Variants in RAPGEF6 observed in about 807,000 individuals in gnomAD.
RAPGEF6 encodes the protein PDZ domain containing guanine nucleotide exchange factor (GEF) 2.
Under a neutral mutation model 171.4 loss-of-function variants are expected in RAPGEF6, and 56 were observed. That is an observed-to-expected ratio of 0.33 (90% CI 0.26 to 0.41). The LOEUF (loss-of-function observed/expected upper bound fraction) is 0.41, where lower values mean the gene tolerates loss of function less well. Among genes scored for constraint, RAPGEF6 ranks in the 10% least tolerant of loss-of-function variants. RAPGEF6 has a pLI of 1.00. For synonymous variants in RAPGEF6, 692 were observed against 650.1 expected, an observed-to-expected ratio of 1.06 and a Z score of -0.98; for missense variants, 1,674 against 1,921.4, an observed-to-expected ratio of 0.87 and a Z score of 2.41.
intron 20 of RAPGEF6, among the ~76,000 whole-genome samples, chr5:131,453,540 A>G (rs1753254196): frequency 6.6e-6 from 1 of 152,176 alleles, no homozygotes. Flanking sequence ...GCAATGAGCC[A>G]TGACTGTGCC....
intron 4 of RAPGEF6, among the ~76,000 whole-genome samples, chr5:131,573,352 T>C (rs540758035): frequency 2.0e-5 from 3 of 152,212 alleles, no homozygotes; most frequent in African/African-American, 7.2e-5. Flanking sequence ...CTTTTCTCTA[T>C]CAGACCTTTC....
chr5:131,575,761 T>C (rs1308177904), intron 4 of RAPGEF6, among the ~76,000 whole-genome samples: 3 of 152,144 alleles, frequency 2.0e-5, no homozygotes, highest in African/African-American at 7.2e-5. Context: ...TCTTCTTACA[T>C]ATGGCTGAAA....
At chr5:131,441,212 C>A (rs1049063428) in intron 23 of RAPGEF6, among the ~76,000 whole-genome samples, 1 of 152,196 alleles carries the variant, frequency 6.6e-6, no homozygotes, top group African/African-American at 2.4e-5. Context: ...CCTTTAGCCT[C>A]TATGCTTCCT....
At chr5:131,534,606 G>GT (rs66792688) in intron 6 of RAPGEF6, among the ~76,000 whole-genome samples, 46,044 of 144,712 alleles carry the variant, frequency 0.32, 8,516 homozygotes, top group East Asian at 0.62. Context: ...GCACCAATGT[G>GT]TTTTTTTTTT....
intron 6 of RAPGEF6, among the ~76,000 whole-genome samples, chr5:131,529,970 C>T (rs183778626): frequency 2.1e-5 from 3 of 142,186 alleles, no homozygotes; most frequent in African/African-American, 5.3e-5. Context: ...TGTAGTGTCA[C>T]GATTTCAGCT....
intron 19 of RAPGEF6, among the ~76,000 whole-genome samples, chr5:131,457,840 CA>C (rs144714307): frequency 0.02 from 3,021 of 151,972 alleles, 104 homozygotes; most frequent in African/African-American, 0.069. Context: ...TGAAAATAGA[CA>C]AAATAGAGAA....
rs145485022 is a variant in RAPGEF6, at chr5:131,535,604, T to G, written c.495+12443A>C. ...AACCCTTATTAATGAAATCTTTAGC[T>G]TTAGAAAGGTCTTTTGCACTACTAT... On this transcript the variant is annotated intron_variant, in intron 6 of 27. Transcript: ENST00000509018. 1.6e-3 allele frequency among the ~76,000 whole-genome samples: 251 copies of G among 152,290 alleles called. 4 individuals are homozygous for G. The East Asian group carries it at 0.041, about 25-fold the overall frequency.
chr5:131,461,956 C>G lies in RAPGEF6; in HGVS notation c.2613G>C (p.Arg871Ser). 6.2e-7 allele frequency: 1 copy of G among 1,614,064 alleles called. No homozygotes were observed. Among genetic ancestry groups the G allele is most frequent in the Non-Finnish European group, 8.5e-7 (1 of 1,179,988 alleles). Residue 871 changes from arginine (R) to serine (S), a missense_variant, in exon 19 of 28, where the codon AGG becomes AGC. Around this residue, in one of 3 missense-constraint regions of RAPGEF6, gnomAD observed 1,116 missense variants for 1,321.5 expected, o/e 0.84. Transcript: ENST00000509018. The part of the protein sequence containing the change: ...TIEVATQLSM[R>S]DFDLFRNIEP... The stretch of plus-strand genomic sequence containing the variant: ...CAATATTACGAAACAAATCAAAGTC[C>G]CTCATTGACAGCTGGGTGGCCACCT...
At chr5:131,551,417 CAGA>C (rs1760918216) in intron 5 of RAPGEF6, among the ~76,000 whole-genome samples, 1 of 150,236 alleles carries the variant, frequency 6.7e-6, no homozygotes, top group African/African-American at 2.5e-5. Context: ...GAGGCTGAGG[CAGA>C]AGAACTACTT....
chr5:131,573,004 G>C (rs1762395362), intron 4 of RAPGEF6, among the ~76,000 whole-genome samples: 1 of 152,086 alleles, frequency 6.6e-6, no homozygotes, highest in Non-Finnish European at 1.5e-5. Flanking sequence ...TCCCTCCCTA[G>C]TCTCTGCTCC....
intron 3 of RAPGEF6, among the ~76,000 whole-genome samples, chr5:131,602,578 TGGTA>T (rs943422576): frequency 2.6e-5 from 4 of 152,250 alleles, no homozygotes; most frequent in Admixed American, 6.5e-5. Flanking sequence ...CTGACCAACA[TGGTA>T]AAACCTCATC....
intron 3 of RAPGEF6, among the ~76,000 whole-genome samples, chr5:131,597,190 G>T (rs1265609475): frequency 6.6e-6 from 1 of 152,038 alleles, no homozygotes; most frequent in Non-Finnish European, 1.5e-5. Flanking sequence ...ATTCCAGTGA[G>T]AATGGCTACC....
chr5:131,593,080 A>G (rs575828286), intron 3 of RAPGEF6, among the ~76,000 whole-genome samples: 2 of 152,242 alleles, frequency 1.3e-5, no homozygotes, highest in Non-Finnish European at 2.9e-5. Flanking sequence ...CACAGAACAC[A>G]GAGTCACTAG....
At chr5:131,539,615 A>G (rs1760001099) in intron 6 of RAPGEF6, among the ~76,000 whole-genome samples, 2 of 152,174 alleles carry the variant, frequency 1.3e-5, no homozygotes, top group Admixed American at 6.6e-5. Flanking sequence ...CACACTTGCA[A>G]TAATACCTTA....
At chr5:131,508,799 A>G (rs1757527018) in intron 8 of RAPGEF6, among the ~76,000 whole-genome samples, 1 of 152,218 alleles carries the variant, frequency 6.6e-6, no homozygotes, top group Non-Finnish European at 1.5e-5. Context: ...GAGATTAAGA[A>G]TAACTATAAG....
chr5:131,587,369 G>A (rs1763312603), intron 4 of RAPGEF6, among the ~76,000 whole-genome samples: 1 of 152,174 alleles, frequency 6.6e-6, no homozygotes, highest in Non-Finnish European at 1.5e-5. Context: ...AGAGATACAA[G>A]ACTGATTAAA....
intron 24 of RAPGEF6, chr5:131,435,691 A>T: frequency 2.2e-6 from 1 of 457,898 alleles, no homozygotes; most frequent in Non-Finnish European, 3.5e-6. Context: ...GTAGAAGATA[A>T]AAAAGCCTCC....
At chr5:131,608,198 G>C (rs1764721317) in intron 1 of RAPGEF6, among the ~76,000 whole-genome samples, 1 of 152,168 alleles carries the variant, frequency 6.6e-6, no homozygotes, top group Non-Finnish European at 1.5e-5. Context: ...GAGTTAAGTA[G>C]TTGTAAGAAA....
chr5:131,504,506 A>T, intron 11 of RAPGEF6, 120 bp downstream of exon 11: 1 of 1,074,886 alleles, frequency 9.3e-7, no homozygotes, highest in Non-Finnish European at 1.3e-6. Context: ...TCAACATTTA[A>T]GTTAGATGCC....
Sources: allele counts gnomAD v4.1 joint callset (sites outside exome capture counted in the v4.1 genomes callset), GRCh38; gene constraint gnomAD v4.1.1; regional missense constraint gnomAD v4.1.1; transcripts MANE v1.5; gene names NCBI Gene and HGNC (gene_info 2026-07-23, HGNC 2026-07-21).